DACH2: variants seen among roughly 807,000 people sequenced by gnomAD.
The protein encoded by DACH2 is dachshund family transcription factor 2.
In DACH2, 17 loss-of-function variants were observed where a neutral mutation model predicts 35.8. The ratio of observed to expected loss-of-function variants is 0.48; its 90% CI spans 0.33 to 0.71. The LOEUF is 0.71. Among genes scored for constraint, DACH2 ranks in the 30% least tolerant of loss-of-function variants. The pLI, the probability that DACH2 is intolerant of heterozygous loss-of-function variation, is 0.02. For synonymous variants in DACH2, 195 were observed against 177.3 expected, an observed-to-expected ratio of 1.10 and a Z score of -0.79; for missense variants, 469 against 472.7, an observed-to-expected ratio of 0.99 and a Z score of 0.07.
rs767648739 is a variant in DACH2, at chrX:86,546,317, CTCTT to C, written c.640+31931_640+31934del. Among the ~76,000 whole-genome samples, 82 of 107,025 alleles carry C rather than the reference CTCTT, an allele frequency of 7.7e-4. 1 individual carries two copies. The highest frequency in any genetic ancestry group is 1.4e-3 in the Non-Finnish European group (74 of 51,929). The allele number at this position is 107,025 out of a possible 115,157, so 92.9% of individuals were successfully genotyped here. On this transcript the variant is annotated intron_variant, in intron 3 of 11. Transcript: ENST00000373125. ...TTGAGAACTCCCCAATACCTCCTAC[CTCTT>C]TCTTCTTCTTCTTCTTCCTCTTCTT...
intron 2 of DACH2, among the ~76,000 whole-genome samples, chrX:86,500,486 A>G (rs2038234968): frequency 8.9e-6 from 1 of 112,007 alleles, no homozygotes; most frequent in Non-Finnish European, 1.9e-5. Flanking sequence ...TCAAGAAATA[A>G]AACTGTAAAA....
chrX:86,470,398 T>C (rs1488396525), intron 2 of DACH2, among the ~76,000 whole-genome samples: 1 of 111,793 alleles, frequency 8.9e-6, no homozygotes, highest in Non-Finnish European at 1.9e-5. Context: ...TTTTCTAACA[T>C]TGAAGTTGAA....
chrX:86,772,364 C>G (rs2041995242), intron 7 of DACH2, among the ~76,000 whole-genome samples: 1 of 111,358 alleles, frequency 9.0e-6, no homozygotes, highest in Non-Finnish European at 1.9e-5. Context: ...TCCAACTACT[C>G]CTGCTGGGTT....
At chrX:86,707,927 A>AAAAAAAAAAAAAAAAAAAAAAAAAAAAC (rs1340139492) in intron 5 of DACH2, among the ~76,000 whole-genome samples, 1 of 102,584 alleles carries the variant, frequency 9.7e-6, no homozygotes, top group Non-Finnish European at 2.0e-5. Context: ...AAAAAAAAAA[A>AAAAAAAAAAAAAAAAAAAAAAAAAAAAC]AAATTACACA....
chrX:86,234,161 A>G (rs1381296477), intron 1 of DACH2, among the ~76,000 whole-genome samples: 1 of 112,056 alleles, frequency 8.9e-6, no homozygotes, highest in African/African-American at 3.2e-5. Context: ...TTGCACTTTG[A>G]ATGAAGAGGA....
At chrX:86,411,036 A>ATATATATATG (rs768655432) in intron 2 of DACH2, among the ~76,000 whole-genome samples, 41 of 79,946 alleles carry the variant, frequency 5.1e-4, no homozygotes, top group African/African-American at 1.2e-3. Flanking sequence ...ATATATATAT[A>ATATATATATG]TATGTATATA....
chrX:86,640,437 C>T (rs761961660), intron 3 of DACH2, among the ~76,000 whole-genome samples: 1 of 111,721 alleles, frequency 9.0e-6, no homozygotes. Flanking sequence ...ACAGTAAACC[C>T]CTGGCTTGGG....
intron 4 of DACH2, among the ~76,000 whole-genome samples, chrX:86,657,388 A>G (rs1344256608): frequency 9.0e-6 from 1 of 111,076 alleles, no homozygotes; most frequent in Non-Finnish European, 1.9e-5. Context: ...ACCCACAAAA[A>G]TTAAAAACCT....
At chrX:86,294,914 G>T (rs2034409838) in intron 1 of DACH2, among the ~76,000 whole-genome samples, 1 of 110,875 alleles carries the variant, frequency 9.0e-6, no homozygotes, top group Non-Finnish European at 1.9e-5. Context: ...GCCTACAGAG[G>T]CAGGCAGGCC....
chrX:86,572,125 G>A (rs2039378849), intron 3 of DACH2, among the ~76,000 whole-genome samples: 1 of 111,005 alleles, frequency 9.0e-6, no homozygotes, highest in African/African-American at 3.3e-5. Flanking sequence ...GATAGCATTA[G>A]GAGATATACC....
intron 1 of DACH2, among the ~76,000 whole-genome samples, chrX:86,335,108 A>C (rs1329209855): frequency 9.0e-6 from 1 of 110,597 alleles, no homozygotes; most frequent in African/African-American, 3.3e-5. Flanking sequence ...GTTCTGTTCC[A>C]TTTTTCTACA....
intron 1 of DACH2, among the ~76,000 whole-genome samples, chrX:86,288,727 G>T (rs185896641): frequency 1.7e-4 from 19 of 111,234 alleles, no homozygotes. Context: ...AAGACCCAGG[G>T]CTGTTCACTC....
chrX:86,391,974 G>T (rs181091066), intron 2 of DACH2, among the ~76,000 whole-genome samples: 1 of 110,644 alleles, frequency 9.0e-6, no homozygotes, highest in Non-Finnish European at 1.9e-5. Flanking sequence ...TAAATAGTTT[G>T]CAATTTTTTT....
intron 7 of DACH2, among the ~76,000 whole-genome samples, chrX:86,789,106 T>C (rs1025509207): frequency 8.9e-6 from 1 of 112,264 alleles, no homozygotes; most frequent in African/African-American, 3.2e-5. Context: ...ACTATGAATG[T>C]AAAAATTGTG....
chrX:86,698,714 TTAG>T (rs1428214127), intron 5 of DACH2, among the ~76,000 whole-genome samples: 1 of 107,498 alleles, frequency 9.3e-6, no homozygotes, highest in Non-Finnish European at 1.9e-5. Flanking sequence ...TTTGTATTTT[TTAG>T]TAGAAACAGG....
At chrX:86,692,363 C>A (rs531415736) in intron 4 of DACH2, among the ~76,000 whole-genome samples, 6 of 110,911 alleles carry the variant, frequency 5.4e-5, no homozygotes, top group Non-Finnish European at 7.6e-5. Flanking sequence ...ACCCCTCCCC[C>A]CTCCACCCGC....
At chrX:86,178,748 T>C (rs2031384108) in intron 1 of DACH2, among the ~76,000 whole-genome samples, 1 of 111,310 alleles carries the variant, frequency 9.0e-6, no homozygotes, top group African/African-American at 3.3e-5. Flanking sequence ...ATGAGGTTTT[T>C]AAGATTAATA....
At chrX:86,719,712 A>G (rs998372757) in intron 6 of DACH2, among the ~76,000 whole-genome samples, 2 of 109,410 alleles carry the variant, frequency 1.8e-5, no homozygotes, top group African/African-American at 6.7e-5. Context: ...ACTCTTTCAC[A>G]ATAACAGCAT....
rs1286026879 is a variant in DACH2, at chrX:86,188,565, A to G, written c.488+39457A>G. On this transcript the variant is annotated intron_variant, in intron 1 of 11. Transcript: ENST00000373125. Reference sequence around the variant, plus strand: ...AATTTTGCTGATGTGATTAAGGTTAAGGACTTTAATATGAAAGATTATCTC... The same window carrying G: ...AATTTTGCTGATGTGATTAAGGTTAGGGACTTTAATATGAAAGATTATCTC... Among the ~76,000 whole-genome samples, 13 of 112,102 alleles carry G rather than the reference A, an allele frequency of 1.2e-4. No homozygotes were observed. The Admixed American group carries it at 1.2e-3, about 11-fold the overall frequency.
Sources: allele counts gnomAD v4.1 joint callset (sites outside exome capture counted in the v4.1 genomes callset), GRCh38; gene constraint gnomAD v4.1.1; transcripts MANE v1.5; gene names NCBI Gene and HGNC (gene_info 2026-07-23, HGNC 2026-07-21).